Variants in MARCHF1 observed in about 807,000 individuals in gnomAD.
MARCHF1 encodes the protein membrane associated ring-CH-type finger 1.
Under a neutral mutation model 54.2 loss-of-function variants are expected in MARCHF1, and 40 were observed. That is an observed-to-expected ratio of 0.74 (90% CI 0.57 to 0.96). The LOEUF is 0.96. Ranked by LOEUF, MARCHF1 falls within the 40% of genes least tolerant of loss-of-function variation. The pLI is 0.00. For missense variants in MARCHF1, 586 were observed against 656.5 expected, an observed-to-expected ratio of 0.89 and a Z score of 1.17; for synonymous variants, 236 against 236.3, an observed-to-expected ratio of 1.00 and a Z score of 0.01.
intron 4 of MARCHF1, among the ~76,000 whole-genome samples, chr4:163,812,974 T>G (rs1048051071): frequency 6.6e-6 from 1 of 152,156 alleles, no homozygotes. Flanking sequence ...TTATATATGG[T>G]TCATGTCAGC....
At chr4:164,134,194 C>T (rs1403008557) in intron 1 of MARCHF1, among the ~76,000 whole-genome samples, 1 of 152,072 alleles carries the variant, frequency 6.6e-6, no homozygotes, top group Admixed American at 6.6e-5. Context: ...CTCCATTTAC[C>T]TCCAAATTGT....
rs1236630691 is a variant in MARCHF1, at chr4:163,527,794, G to C, written c.*954C>G. 1.3e-5 allele frequency: 2 copies of C among 151,884 alleles called. No homozygotes were observed. The highest frequency in any genetic ancestry group is 1.9e-4 in the East Asian group (1 of 5,178). The allele number at this position is 151,884 out of a possible 1,614,324, so 9.4% of individuals were successfully genotyped here. A position where few individuals can be genotyped will look rare whatever the true frequency, so the allele number is the denominator to read the frequency against. On this transcript the variant is annotated 3_prime_UTR_variant, in exon 10 of 10. Coordinates refer to ENST00000514618, the MANE Select transcript of MARCHF1 (RefSeq NM_001394959.1). ...ATTACCAACTGGATTTTGAAAACTT[G>C]GTTCAAGAAACAGATGTAAACTATC...
At chr4:164,106,782 A>T (rs961659970) in intron 2 of MARCHF1, among the ~76,000 whole-genome samples, 5 of 151,520 alleles carry the variant, frequency 3.3e-5, no homozygotes, top group Admixed American at 6.6e-5. Flanking sequence ...TAAAAAATAA[A>T]AAAAAAAAAG....
At chr4:163,641,498 C>A (rs941829024) in intron 5 of MARCHF1, among the ~76,000 whole-genome samples, 4 of 152,106 alleles carry the variant, frequency 2.6e-5, no homozygotes, top group African/African-American at 9.7e-5. Flanking sequence ...GTAATTACCA[C>A]ATATAAGACG....
At chr4:163,655,698 C>A (rs535623533) in intron 5 of MARCHF1, among the ~76,000 whole-genome samples, 39 of 151,892 alleles carry the variant, frequency 2.6e-4, no homozygotes, top group Non-Finnish European at 4.6e-4. Context: ...GAAATCATAA[C>A]AAACACTCTC....
chr4:164,112,480 G>T (rs1236673486), intron 1 of MARCHF1, among the ~76,000 whole-genome samples: 7 of 151,760 alleles, frequency 4.6e-5, no homozygotes, highest in Non-Finnish European at 8.9e-5. Context: ...AGTAATAGGG[G>T]ATATTATTGA....
intron 4 of MARCHF1, among the ~76,000 whole-genome samples, chr4:163,732,815 C>G (rs529996302): frequency 7.9e-5 from 12 of 152,084 alleles, no homozygotes; most frequent in African/African-American, 2.7e-4. Flanking sequence ...CTCAGACATA[C>G]AAAAGCTGAA....
intron 1 of MARCHF1, among the ~76,000 whole-genome samples, chr4:164,191,000 A>G (rs1434973325): frequency 1.3e-5 from 2 of 152,184 alleles, no homozygotes; most frequent in Admixed American, 6.5e-5. Context: ...CACTCGGGAA[A>G]TTATCTTTCC....
chr4:164,337,818 A>G (rs1729794867), intron 1 of MARCHF1, among the ~76,000 whole-genome samples: 1 of 152,150 alleles, frequency 6.6e-6, no homozygotes, highest in Non-Finnish European at 1.5e-5. Context: ...ATGCCAATGC[A>G]TCACCCTGGG....
At chr4:164,239,565 A>C (rs1389913132) in intron 1 of MARCHF1, among the ~76,000 whole-genome samples, 1 of 152,120 alleles carries the variant, frequency 6.6e-6, no homozygotes, top group Non-Finnish European at 1.5e-5. Context: ...TACAGTATTC[A>C]GATTGCTTTG....
chr4:163,870,777 TA>T (rs1462913888), intron 3 of MARCHF1, among the ~76,000 whole-genome samples: 1 of 152,082 alleles, frequency 6.6e-6, no homozygotes, highest in African/African-American at 2.4e-5. Flanking sequence ...ATGTGAAAGT[TA>T]AAAAAGTTGA....
chr4:164,039,325 A>C (rs117887201), intron 2 of MARCHF1, among the ~76,000 whole-genome samples: 1,732 of 152,300 alleles, frequency 0.011, 93 homozygotes, highest in Admixed American at 0.1. Flanking sequence ...GTAGCAACAT[A>C]TATTGATTTT....
intron 1 of MARCHF1, among the ~76,000 whole-genome samples, chr4:164,244,847 A>G (rs1209582120): frequency 6.6e-6 from 1 of 151,912 alleles, no homozygotes; most frequent in Non-Finnish European, 1.5e-5. Flanking sequence ...CAAATAAACT[A>G]GAAAATCTAG....
chr4:163,873,072 A>C (rs7694059), intron 3 of MARCHF1, among the ~76,000 whole-genome samples: 57,349 of 150,760 alleles, frequency 0.38, 10,997 homozygotes, highest in South Asian at 0.46. Context: ...CAAACAAAAA[A>C]AAACAAACAA....
At chr4:164,317,035 T>A (rs1735019024) in intron 1 of MARCHF1, among the ~76,000 whole-genome samples, 1 of 152,190 alleles carries the variant, frequency 6.6e-6, no homozygotes, top group Non-Finnish European at 1.5e-5. Flanking sequence ...TTTATAGCAG[T>A]GTGAGAATGA....
intron 5 of MARCHF1, among the ~76,000 whole-genome samples, chr4:163,628,442 T>C (rs1418614547): frequency 2.2e-4 from 34 of 152,192 alleles, no homozygotes; most frequent in Admixed American, 2.2e-3. Context: ...GCCAGTATCA[T>C]ATTGAATGGG....
chr4:163,770,538 AC>A, intron 4 of MARCHF1, among the ~76,000 whole-genome samples: 1 of 147,452 alleles, frequency 6.8e-6, no homozygotes, highest in South Asian at 2.2e-4. Flanking sequence ...ACACACACAC[AC>A]ACACACACAC....
intron 2 of MARCHF1, among the ~76,000 whole-genome samples, chr4:163,994,740 TACACACACACACACACACACAC>T (rs576243307): frequency 1.8e-4 from 22 of 119,178 alleles, no homozygotes; most frequent in South Asian, 2.9e-4. Context: ...CAAGCACACA[TACACACACACACACACACACAC>T]ACACACACAC....
In MARCHF1 at chr4:163,528,814, T is replaced by C. The variant is rs140011214; in HGVS notation, c.1572A>G (p.Val524=). 1.2e-4 allele frequency: 199 copies of C among 1,613,344 alleles called. No individual in the cohort carries two copies. The African/African-American group carries it at 2.5e-3, about 20-fold the overall frequency. Residue 524 remains valine, a synonymous_variant, in exon 10 of 10, where the codon GTA becomes GTG. Coordinates refer to ENST00000514618, the MANE Select transcript of MARCHF1 (RefSeq NM_001394959.1). Reference sequence around the variant, plus strand: ...GCAGTGAATTTGCACCTGTTTGTGGTACAGGCACTACCACAGCATCTTTGA... The same window carrying C: ...GCAGTGAATTTGCACCTGTTTGTGGCACAGGCACTACCACAGCATCTTTGA... ...TDIKDAVVVP[V]PQTGANSLPS...
Sources: allele counts gnomAD v4.1 joint callset (sites outside exome capture counted in the v4.1 genomes callset), GRCh38; gene constraint gnomAD v4.1.1; transcripts MANE v1.5; gene names NCBI Gene and HGNC (gene_info 2026-07-23, HGNC 2026-07-21).